The following FNBP1L variants were observed in gnomAD, a reference collection of about 807,000 sequenced individuals.
FNBP1L encodes formin binding protein 1 like, also known as formin-binding protein 1-like.
A neutral mutation model predicts 91.2 loss-of-function variants in FNBP1L; 36 were observed. That is an observed-to-expected ratio of 0.39 (90% CI 0.30 to 0.52). The LOEUF (loss-of-function observed/expected upper bound fraction) is 0.52, where lower values mean the gene tolerates loss of function less well. Among genes scored for constraint, FNBP1L ranks in the 20% least tolerant of loss-of-function variants. The pLI is 0.66. For synonymous variants in FNBP1L, 242 were observed against 237.0 expected (o/e 1.02, Z -0.19); for missense variants, 571 against 732.1 (o/e 0.78, Z 2.54).
At chr1:93,538,554 T>G (rs1671920841) in intron 10 of FNBP1L, among the ~76,000 whole-genome samples, 1 of 152,138 alleles carries the variant, frequency 6.6e-6, no homozygotes, top group South Asian at 2.1e-4. Context: ...GTTGAGAAAT[T>G]TTTTTCTTTT....
intron 1 of FNBP1L, among the ~76,000 whole-genome samples, chr1:93,458,086 G>A (rs1668732673): frequency 6.6e-6 from 1 of 152,048 alleles, no homozygotes; most frequent in South Asian, 2.1e-4. Flanking sequence ...CACGACGCCC[G>A]GCCGGAAACA....
chr1:93,539,390 T>A (rs1300126561), intron 10 of FNBP1L, among the ~76,000 whole-genome samples: 3 of 151,886 alleles, frequency 2.0e-5, no homozygotes, highest in Non-Finnish European at 2.9e-5. Context: ...GAACATGTAT[T>A]ACTTTAAAAC....
At chr1:93,515,922 ATAAAAAG>A (rs1205692834) in intron 2 of FNBP1L, among the ~76,000 whole-genome samples, 1 of 152,178 alleles carries the variant, frequency 6.6e-6, no homozygotes, top group African/African-American at 2.4e-5. Context: ...AATAATAATA[ATAAAAAG>A]AGATTTTAAA....
intron 3 of FNBP1L, among the ~76,000 whole-genome samples, 152 bp from the exon 4 acceptor site, chr1:93,523,192 A>C (rs1226734060): frequency 1.3e-5 from 2 of 152,192 alleles, no homozygotes; most frequent in East Asian, 3.8e-4. Context: ...TTAATGCAGG[A>C]TTTTTTTCCA....
intron 1 of FNBP1L, among the ~76,000 whole-genome samples, chr1:93,492,506 A>G (rs1370512377): frequency 6.6e-6 from 1 of 152,170 alleles, no homozygotes; most frequent in Non-Finnish European, 1.5e-5. Context: ...TTAAAATGTG[A>G]GTTGATACTG....
chr1:93,529,913 G>A lies in FNBP1L; in HGVS notation c.510+157G>A, dbSNP rs2493642. Among the ~76,000 whole-genome samples, 490 of 152,090 alleles carry A rather than the reference G, an allele frequency of 3.2e-3. 5 individuals are homozygous for A. The highest frequency in any genetic ancestry group is 0.011 in the African/African-American group (467 of 41,508). ...AATATTTGCCAACTTTAAATTATAC[G>A]TATTGGTCTGAGAAAGTAATATATG... On this transcript the variant is annotated intron_variant, in intron 6 of 16. Coordinates refer to ENST00000271234, the MANE Select transcript of FNBP1L (RefSeq NM_001164473.3).
intron 1 of FNBP1L, among the ~76,000 whole-genome samples, chr1:93,468,974 T>C (rs1669189039): frequency 6.6e-6 from 1 of 152,218 alleles, no homozygotes; most frequent in Non-Finnish European, 1.5e-5. Context: ...AGTATCTTAT[T>C]GTGGTTTTGA....
intron 2 of FNBP1L, among the ~76,000 whole-genome samples, chr1:93,503,335 A>C (rs866769817): frequency 6.6e-6 from 1 of 152,154 alleles, no homozygotes; most frequent in Non-Finnish European, 1.5e-5. Context: ...CCCATGATTC[A>C]GTTATCTCCA....
intron 1 of FNBP1L, among the ~76,000 whole-genome samples, chr1:93,494,842 A>G (rs1670210238): frequency 6.6e-6 from 1 of 152,202 alleles, no homozygotes; most frequent in South Asian, 2.1e-4. Context: ...ATGAGGAGCA[A>G]AGTCACGTCT....
chr1:93,497,614 C>T (rs1308772260), intron 1 of FNBP1L, among the ~76,000 whole-genome samples: 3 of 152,040 alleles, frequency 2.0e-5, no homozygotes, highest in African/African-American at 7.2e-5. Context: ...TAAAAATATT[C>T]TTAATAATAT....
At chr1:93,448,430 G>A in intron 1 of FNBP1L, 125 bp downstream of exon 1, 1 of 1,068,506 alleles carries the variant, frequency 9.4e-7, no homozygotes, top group Admixed American at 3.9e-5. Context: ...CTGGCGGAGG[G>A]TGAGGGTCCC....
chr1:93,532,486 A>T (rs1204641602), intron 7 of FNBP1L, among the ~76,000 whole-genome samples: 1 of 151,162 alleles, frequency 6.6e-6, no homozygotes, highest in Non-Finnish European at 1.5e-5. Flanking sequence ...AAAAAAAAAA[A>T]AAAGTCTCAG....
At chr1:93,470,389 A>C (rs986384714) in intron 1 of FNBP1L, among the ~76,000 whole-genome samples, 1 of 152,120 alleles carries the variant, frequency 6.6e-6, no homozygotes, top group Non-Finnish European at 1.5e-5. Flanking sequence ...TGGCCTCCTA[A>C]AGTGCTGGGA....
At chr1:93,451,124 G>A (rs908778406) in intron 1 of FNBP1L, among the ~76,000 whole-genome samples, 3 of 152,194 alleles carry the variant, frequency 2.0e-5, no homozygotes, top group African/African-American at 4.8e-5. Context: ...AGATGATACT[G>A]TCTTCACTTC....
At chr1:93,529,058 A>G (rs1008236448) in intron 5 of FNBP1L, among the ~76,000 whole-genome samples, 28 of 152,136 alleles carry the variant, frequency 1.8e-4, no homozygotes, top group African/African-American at 6.3e-4. Context: ...AAGAAACAAT[A>G]TAAAACCACT....
chr1:93,453,743 G>A (rs777626980), intron 1 of FNBP1L, among the ~76,000 whole-genome samples: 1 of 152,176 alleles, frequency 6.6e-6, no homozygotes, highest in Non-Finnish European at 1.5e-5. Flanking sequence ...TGTGAAAGCC[G>A]TTCCATATTT....
Position 93,534,758 on chromosome 1 carries a change from CTT to C in FNBP1L, c.842_843del (p.Phe281SerfsTer3). On this transcript the variant is annotated frameshift_variant, in exon 9 of 17. Transcript: ENST00000271234. LOFTEE classifies it high-confidence loss of function. Reference sequence around the variant, plus strand: ...AATCTGGTTTTGAACCTCCAGGAGACTTTCCATTTGAAGATTACAGTCAACAT... The same window carrying C: ...AATCTGGTTTTGAACCTCCAGGAGACTCCATTTGAAGATTACAGTCAACAT... ...FKSGFEPPGD[F>X]PFEDYSQHIY... 1 of 1,572,728 alleles carries C rather than the reference CTT, an allele frequency of 6.4e-7. No individual in the cohort carries two copies.
intron 1 of FNBP1L, among the ~76,000 whole-genome samples, chr1:93,471,486 G>A (rs1669284608): frequency 1.3e-5 from 2 of 152,202 alleles, no homozygotes; most frequent in Non-Finnish European, 2.9e-5. Context: ...GAGCCCAGGA[G>A]TTCAAGACTA....
chr1:93,455,190 A>G (rs1200255710), intron 1 of FNBP1L, among the ~76,000 whole-genome samples: 1 of 152,128 alleles, frequency 6.6e-6, no homozygotes, highest in Non-Finnish European at 1.5e-5. Context: ...GGCCTCCCAG[A>G]GTGCTGGGAT....
Sources: gnomAD v4.1 joint callset for allele counts (sites outside exome capture counted in the v4.1 genomes callset) on GRCh38, gnomAD v4.1.1 for gene constraint, MANE v1.5 for transcripts, NCBI Gene and HGNC (gene_info 2026-07-23, HGNC 2026-07-21) for gene names.